Variants in CENPU observed in about 807,000 individuals in gnomAD.
CENPU encodes the protein KSHV latent nuclear antigen interacting protein 1.
Under a neutral mutation model 56.7 loss-of-function variants are expected in CENPU, and 46 were observed. The ratio of observed to expected loss-of-function variants is 0.81; its 90% CI spans 0.64 to 1.04. The LOEUF (loss-of-function observed/expected upper bound fraction) is 1.04, where lower values mean the gene tolerates loss of function less well. CENPU is among the 50% of genes least tolerant of loss of function. The pLI is 0.00. For missense variants in CENPU, 510 were observed against 490.1 expected (o/e 1.04, Z -0.38); for synonymous variants, 166 against 163.0 (o/e 1.02, Z -0.14).
intron 6 of CENPU, among the ~76,000 whole-genome samples, chr4:184,713,629 T>A (rs2150215355): frequency 6.6e-6 from 1 of 152,278 alleles, no homozygotes; most frequent in African/African-American, 2.4e-5. Flanking sequence ...TATGGTGAAG[T>A]AACAGCTTCC....
intron 4 of CENPU, among the ~76,000 whole-genome samples, chr4:184,724,040 A>G (rs58782345): frequency 0.18 from 26,929 of 151,590 alleles, 2,665 homozygotes; most frequent in African/African-American, 0.26. Flanking sequence ...CGAGGTGGGC[A>G]GATCACGAGA....
At chr4:184,733,392 G>C (rs1761725425) in intron 1 of CENPU, 3 of 992,202 alleles carry the variant, frequency 3.0e-6, no homozygotes, top group Non-Finnish European at 2.4e-6. Context: ...GCAGCAAGCC[G>C]AGACCCTTCC....
chr4:184,701,575 C>T (rs930332183), intron 10 of CENPU, among the ~76,000 whole-genome samples: 21 of 152,250 alleles, frequency 1.4e-4, no homozygotes, highest in African/African-American at 5.1e-4. Context: ...TCACCCACTG[C>T]AGACCCAGTG....
rs914735733 is a variant in CENPU, at chr4:184,702,272, A to T, written c.876+91T>A. 1.9e-5 allele frequency: 26 copies of T among 1,348,794 alleles called. No individual in the cohort carries two copies. The Admixed American group carries it at 4.7e-4, about 24-fold the overall frequency. The allele number at this position is 1,348,794 out of a possible 1,614,324, so 83.6% of individuals were successfully genotyped here. On this transcript the variant is annotated intron_variant, in intron 9 of 12. Coordinates refer to ENST00000281453, the MANE Select transcript of CENPU (RefSeq NM_024629.4). ...CTAATGAGTTTATTACCATACTGCC[A>T]GCAAATGCAAGCTTTTCTAAGACAA...
chr4:184,702,377 G>C lies in CENPU; in HGVS notation c.862C>G (p.Gln288Glu), dbSNP rs1250492354. ...IATFYVNVKE[Q>E]FIKMLKESQM... ...CGTGAGCTTACCATTTTGATGAATT[G>C]TTCTTTAACATTAACATAAAATGTG... Residue 288 changes from glutamine (Q) to glutamate (E), a missense_variant, in exon 9 of 13, where the codon CAA becomes GAA. Transcript: ENST00000281453. 6.2e-7 allele frequency: 1 copy of C among 1,611,952 alleles called. No individual in the cohort carries two copies. Among genetic ancestry groups the C allele is most frequent in the South Asian group, 1.1e-5 (1 of 90,424 alleles).
At chr4:184,700,952 TA>T (rs1760514986) in intron 10 of CENPU, 71 bp from the exon 11 acceptor site, 11 of 1,265,892 alleles carry the variant, frequency 8.7e-6, no homozygotes, top group Middle Eastern at 2.2e-4. Context: ...AGCTGCCAGG[TA>T]ATGAAGTGCA....
At chr4:184,712,574 T>G (rs931034126) in intron 7 of CENPU, among the ~76,000 whole-genome samples, 1 of 152,242 alleles carries the variant, frequency 6.6e-6, no homozygotes, top group Non-Finnish European at 1.5e-5. Context: ...GTTAATCATG[T>G]GCATACTTAT....
intron 12 of CENPU, among the ~76,000 whole-genome samples, chr4:184,695,719 T>C (rs1033077142): frequency 6.6e-6 from 1 of 152,186 alleles, no homozygotes; most frequent in African/African-American, 2.4e-5. Context: ...AAGGCTTGGT[T>C]TGGGCAGGTC....
chr4:184,722,975 A>C (rs1019626095), intron 4 of CENPU, among the ~76,000 whole-genome samples: 1 of 152,188 alleles, frequency 6.6e-6, no homozygotes, highest in African/African-American at 2.4e-5. Context: ...AATAACTATA[A>C]AAAGGACAAA....
intron 4 of CENPU, among the ~76,000 whole-genome samples, chr4:184,721,557 A>G (rs1033680254): frequency 6.6e-6 from 1 of 152,168 alleles, no homozygotes; most frequent in Non-Finnish European, 1.5e-5. Flanking sequence ...AAGTATGGAA[A>G]AAGATATTCC....
At position 184,702,414 on chromosome 4, in the gene CENPU, C is replaced by A. The variant is rs756420418; in HGVS notation, c.825G>T (p.Lys275Asn). 10 of 1,611,308 alleles carry A rather than the reference C, an allele frequency of 6.2e-6. No homozygotes were observed. The Admixed American group carries it at 1.7e-4, about 27-fold the overall frequency. ...HQQRIESKVC[K>N]AAIATFYVNV... ...TAACATAAAATGTGGCGATGGCTGC[C>A]TTACAAACTTTAGATTCTATTCTTT... The change falls in exon 9 of 13, where the codon AAG becomes AAT. Residue 275 changes from lysine (K) to asparagine (N), a missense_variant. Transcript: ENST00000281453.
intron 3 of CENPU, among the ~76,000 whole-genome samples, chr4:184,728,627 G>C (rs1019707343): frequency 1.3e-5 from 2 of 152,186 alleles, no homozygotes; most frequent in African/African-American, 2.4e-5. Context: ...AGAGTGAAGT[G>C]AGAAATGTAT....
chr4:184,706,122 CAATT>C (rs1259547619), intron 8 of CENPU, among the ~76,000 whole-genome samples: 1 of 151,438 alleles, frequency 6.6e-6, no homozygotes, highest in Admixed American at 6.6e-5. Context: ...TATTTTAGCA[CAATT>C]AAAAATTTAC....
At chr4:184,698,024 A>AT in intron 11 of CENPU, 1 of 479,804 alleles carries the variant, frequency 2.1e-6, no homozygotes, top group Non-Finnish European at 3.7e-6. Context: ...TAGCAGTGAT[A>AT]TCCACAGAAG....
intron 1 of CENPU, among the ~76,000 whole-genome samples, chr4:184,733,678 A>C (rs1761737695): frequency 6.6e-6 from 1 of 152,230 alleles, no homozygotes; most frequent in South Asian, 2.1e-4. Context: ...AAGTCTGGCA[A>C]ACCGCAGGCA....
At chr4:184,732,289 C>G (rs1430934809) in intron 1 of CENPU, among the ~76,000 whole-genome samples, 1 of 151,998 alleles carries the variant, frequency 6.6e-6, no homozygotes, top group East Asian at 1.9e-4. Flanking sequence ...CGGTGGTTCC[C>G]AGACTTGAGT....
intron 4 of CENPU, among the ~76,000 whole-genome samples, chr4:184,724,002 C>A (rs950248318): frequency 2.6e-5 from 4 of 151,984 alleles, no homozygotes; most frequent in African/African-American, 9.7e-5. Context: ...CAGTGGCTGA[C>A]GCCTGTAATC....
chr4:184,697,562 T>A, intron 12 of CENPU, 85 bp downstream of exon 12: 1 of 1,304,468 alleles, frequency 7.7e-7, no homozygotes, highest in Non-Finnish European at 1.1e-6. Context: ...CATTTGTCTT[T>A]CCCCAAAGCT....
At chr4:184,723,858 A>T (rs1212239374) in intron 4 of CENPU, among the ~76,000 whole-genome samples, 1 of 151,144 alleles carries the variant, frequency 6.6e-6, no homozygotes, top group Non-Finnish European at 1.5e-5. Context: ...AAAAAAAAAA[A>T]AAAAAAAATA....
Sources: gnomAD v4.1 joint callset for allele counts (sites outside exome capture counted in the v4.1 genomes callset) on GRCh38, gnomAD v4.1.1 for gene constraint, MANE v1.5 for transcripts, NCBI Gene and HGNC (gene_info 2026-07-23, HGNC 2026-07-21) for gene names.